XYLB: variants seen among roughly 807,000 people sequenced by gnomAD.
The protein encoded by XYLB is xylulose kinase.
XYLB carries 62 observed loss-of-function variants against 78.7 expected under a neutral mutation model. The ratio of observed to expected loss-of-function variants is 0.79; its 90% CI spans 0.64 to 0.97. XYLB has a LOEUF of 0.97. Ranked by LOEUF, XYLB falls within the 50% of genes least tolerant of loss-of-function variation. The pLI is 0.00. For missense variants in XYLB, 687 were observed against 676.8 expected (o/e 1.02, Z -0.17); for synonymous variants, 245 against 247.4 (o/e 0.99, Z 0.09).
In XYLB at chr3:38,366,579, C is replaced by T. The variant is rs187135174; in HGVS notation, c.508-229C>T. Among the ~76,000 whole-genome samples the T allele has an allele frequency of 2.5e-3, 377 of 152,338 alleles. 1 individual carries two copies. Among genetic ancestry groups the T allele is most frequent in the African/African-American group, 8.8e-3 (367 of 41,590 alleles). On this transcript the variant is annotated intron_variant, in intron 6 of 18. Coordinates refer to ENST00000207870, the MANE Select transcript of XYLB (RefSeq NM_005108.4). ...TATTTAATTATTAGAAACGAGGTCT[C>T]ACTGTGTTGCCCAGGCTGGACTCCT...
At chr3:38,394,451 A>T (rs1446794809) in intron 15 of XYLB, among the ~76,000 whole-genome samples, 2 of 152,212 alleles carry the variant, frequency 1.3e-5, no homozygotes, top group African/African-American at 4.8e-5. Context: ...TTCCAAATAG[A>T]TGGACTATTG....
intron 6 of XYLB, 56 bp downstream of exon 6, chr3:38,365,792 A>C: frequency 6.5e-7 from 1 of 1,542,522 alleles, no homozygotes; most frequent in South Asian, 1.2e-5. Context: ...CTCCGGAGGC[A>C]TAGTGGGTGA....
chr3:38,400,532 A>G (rs1708078032), intron 17 of XYLB, among the ~76,000 whole-genome samples: 3 of 152,112 alleles, frequency 2.0e-5, no homozygotes, highest in Non-Finnish European at 2.9e-5. Context: ...GTGGTGAACG[A>G]GGGGAGAGAG....
At chr3:38,349,284 C>G (rs1487545448) in intron 2 of XYLB, among the ~76,000 whole-genome samples, 1 of 152,190 alleles carries the variant, frequency 6.6e-6, no homozygotes, top group Admixed American at 6.5e-5. Flanking sequence ...GGAGGCTGGT[C>G]AGAGCTCCAT....
At chr3:38,379,180 C>T in intron 14 of XYLB, 66 bp from the exon 15 acceptor site, 1 of 1,495,046 alleles carries the variant, frequency 6.7e-7, no homozygotes, top group Non-Finnish European at 9.3e-7. Context: ...CACACAGACA[C>T]ACACATACAC....
chr3:38,391,765 G>A (rs959406546), intron 15 of XYLB, among the ~76,000 whole-genome samples: 11 of 152,180 alleles, frequency 7.2e-5, no homozygotes, highest in African/African-American at 2.7e-4. Flanking sequence ...ACCATTTTCT[G>A]CTTTTCAGCC....
chr3:38,434,868 C>T, the XYLB span, among the ~76,000 whole-genome samples: 236 of 152,346 alleles, frequency 1.5e-3, 3 homozygotes, highest in African/African-American at 5.4e-3. Flanking sequence ...TGTGGTGGCT[C>T]ATGCGTATAA....
At chr3:38,427,014 C>G in the XYLB span, among the ~76,000 whole-genome samples, 515 of 152,366 alleles carry the variant, frequency 3.4e-3, 5 homozygotes, top group African/African-American at 0.012. Flanking sequence ...GCCTGTTTCT[C>G]TGCTCCTCAC....
chr3:38,359,113 AG>A (rs1705832937), intron 2 of XYLB, among the ~76,000 whole-genome samples: 2 of 152,270 alleles, frequency 1.3e-5, no homozygotes, highest in African/African-American at 4.8e-5. Flanking sequence ...ATTTATTGAC[AG>A]TAAGCCTGTG....
chr3:38,450,146 C>T, the XYLB span, among the ~76,000 whole-genome samples: 1 of 152,202 alleles, frequency 6.6e-6, no homozygotes, highest in African/African-American at 2.4e-5. Flanking sequence ...TGTTTAATTT[C>T]GTATTGCTAT....
intron 3 of XYLB, among the ~76,000 whole-genome samples, chr3:38,360,859 C>G (rs1397359582): frequency 6.6e-6 from 1 of 152,078 alleles, no homozygotes; most frequent in Non-Finnish European, 1.5e-5. Flanking sequence ...CATGGTGAAA[C>G]CTTGTCTCTA....
intron 2 of XYLB, among the ~76,000 whole-genome samples, chr3:38,353,114 T>C (rs894605272): frequency 6.6e-6 from 1 of 152,216 alleles, no homozygotes; most frequent in Non-Finnish European, 1.5e-5. Context: ...TTTTGAGTCA[T>C]AGTTCAAAAG....
chr3:38,434,355 T>A, the XYLB span, among the ~76,000 whole-genome samples: 2 of 152,258 alleles, frequency 1.3e-5, no homozygotes, highest in African/African-American at 4.8e-5. Context: ...AAGGAAAGCC[T>A]ATGAGACTAA....
chr3:38,434,935 C>T, the XYLB span, among the ~76,000 whole-genome samples: 1 of 152,142 alleles, frequency 6.6e-6, no homozygotes, highest in East Asian at 1.9e-4. Context: ...GAGTTCAAGA[C>T]CAGCCTGGCT....
intron 2 of XYLB, chr3:38,356,346 T>TACAA (rs1705655209): frequency 6.5e-6 from 1 of 152,802 alleles, no homozygotes; most frequent in Non-Finnish European, 1.5e-5. Flanking sequence ...ATTTGATGGT[T>TACAA]TTAGTATATT....
intron 14 of XYLB, 68 bp from the exon 15 acceptor site, chr3:38,379,178 C>T: frequency 5.4e-6 from 8 of 1,477,246 alleles, no homozygotes; most frequent in Non-Finnish European, 7.6e-6. Context: ...CACACACAGA[C>T]ACACACATAC....
At chr3:38,347,399 C>T (rs1035191415) in intron 1 of XYLB, among the ~76,000 whole-genome samples, 1 of 152,218 alleles carries the variant, frequency 6.6e-6, no homozygotes, top group Admixed American at 6.5e-5. Context: ...TGAAATGGCC[C>T]AGGCCTGGTG....
intron 17 of XYLB, among the ~76,000 whole-genome samples, chr3:38,397,864 G>T (rs1361739662): frequency 6.7e-6 from 1 of 149,816 alleles, no homozygotes; most frequent in Non-Finnish European, 1.5e-5. Flanking sequence ...CTGTCACCAG[G>T]TTGGAGTGCA....
intron 3 of XYLB, 60 bp from the exon 4 acceptor site, chr3:38,362,877 G>A: frequency 7.2e-7 from 1 of 1,379,888 alleles, no homozygotes; most frequent in Non-Finnish European, 9.6e-7. Context: ...CAATTCTGAG[G>A]CTTGCGTGTC....
Sources: gnomAD v4.1 joint callset for allele counts (sites outside exome capture counted in the v4.1 genomes callset) on GRCh38, gnomAD v4.1.1 for gene constraint, MANE v1.5 for transcripts, NCBI Gene and HGNC (gene_info 2026-07-23, HGNC 2026-07-21) for gene names.